NAA11: variants seen among roughly 807,000 people sequenced by gnomAD.
NAA11 encodes N-alpha-acetyltransferase 11.
In NAA11, 15 loss-of-function variants were observed where a neutral mutation model predicts 16.1. That is an observed-to-expected ratio of 0.93 (90% CI 0.62 to 1.44). The LOEUF (loss-of-function observed/expected upper bound fraction) is 1.44. Among genes scored for constraint, NAA11 ranks in the 40% most tolerant of loss-of-function variants. The pLI, the probability that NAA11 is intolerant of heterozygous loss-of-function variation, is 0.00. For missense variants in NAA11, 298 were observed against 291.3 expected, an observed-to-expected ratio of 1.02 and a Z score of -0.17; for synonymous variants, 122 against 112.4, an observed-to-expected ratio of 1.09 and a Z score of -0.54.
intron 2 of NAA11, among the ~76,000 whole-genome samples, chr4:79,258,611 G>T (rs72870833): frequency 0.051 from 7,824 of 152,186 alleles, 705 homozygotes; most frequent in African/African-American, 0.18. Flanking sequence ...TGGCCTGCAG[G>T]CACCCCTTGG....
downstream of NAA11, among the ~76,000 whole-genome samples, chr4:79,316,273 T>G (rs1723924110): frequency 6.6e-6 from 1 of 152,070 alleles, no homozygotes; most frequent in Admixed American, 6.6e-5. Context: ...GAGGAAAGAA[T>G]AAAATAATTT....
intron 1 of NAA11, among the ~76,000 whole-genome samples, chr4:79,309,090 T>C (rs549438366): frequency 1.2e-4 from 17 of 147,554 alleles, no homozygotes; most frequent in Non-Finnish European, 1.6e-4. Flanking sequence ...TTAGGAAGTT[T>C]TGATTCATAC....
In NAA11 at chr4:79,317,431, A is replaced by T. The variant is rs1379700824; in HGVS notation, c.*373T>A. Reference sequence around the variant, plus strand: ...ACAAAAACAAAAACTGAAAGCTGGAAATCTTCAAGAGTTTGCCCTGCTTCC... The same window carrying T: ...ACAAAAACAAAAACTGAAAGCTGGATATCTTCAAGAGTTTGCCCTGCTTCC... On this transcript the variant is annotated 3_prime_UTR_variant, in exon 2 of 2. Transcript: ENST00000286794. The T allele has an allele frequency of 6.7e-6, 1 of 150,212 alleles. No individual in the cohort carries two copies. Among genetic ancestry groups the T allele is most frequent in the African/African-American group, 2.5e-5 (1 of 39,918 alleles). The allele number at this position is 150,212 out of a possible 1,614,324, so 9.3% of individuals were successfully genotyped here.
intron 2 of NAA11, among the ~76,000 whole-genome samples, chr4:79,251,521 G>A (rs1721994416): frequency 6.6e-6 from 1 of 152,074 alleles, no homozygotes. Flanking sequence ...CTTCCTACTG[G>A]GAACTGTGCT....
chr4:79,318,214 G>T (rs1203221189), intron 1 of NAA11, among the ~76,000 whole-genome samples: 1 of 152,036 alleles, frequency 6.6e-6, no homozygotes, highest in East Asian at 1.9e-4. Context: ...GAAATGAAAG[G>T]CCTTTTTAGC....
chr4:79,228,028 A>G (rs1471615794), intron 2 of NAA11: 1 of 151,942 alleles, frequency 6.6e-6, no homozygotes, highest in Non-Finnish European at 1.5e-5. Flanking sequence ...TTATGGTAAA[A>G]TTAATAAAAG....
intron 1 of NAA11, among the ~76,000 whole-genome samples, chr4:79,320,158 T>G (rs1398296698): frequency 2.0e-5 from 3 of 152,250 alleles, no homozygotes; most frequent in Non-Finnish European, 1.5e-5. Flanking sequence ...CTGACCTGTC[T>G]TCATTGCTAT....
chr4:79,216,321 A>G, the NAA11 span, among the ~76,000 whole-genome samples: 1 of 152,048 alleles, frequency 6.6e-6, no homozygotes, highest in Non-Finnish European at 1.5e-5. Flanking sequence ...TTGCTTTTGT[A>G]TGTTTGAGAT....
At chr4:79,264,427 TC>T (rs1722301591) in intron 2 of NAA11, among the ~76,000 whole-genome samples, 1 of 152,228 alleles carries the variant, frequency 6.6e-6, no homozygotes, top group African/African-American at 2.4e-5. Context: ...TCTATCATTC[TC>T]CTTCAGTTCC....
the NAA11 span, among the ~76,000 whole-genome samples, chr4:79,193,424 A>G: frequency 6.6e-6 from 1 of 152,224 alleles, no homozygotes; most frequent in African/African-American, 2.4e-5. Flanking sequence ...GAAGGGATCC[A>G]GTTTCAGCTT....
At chr4:79,274,865 GTATC>G (rs1257870704) in intron 2 of NAA11, among the ~76,000 whole-genome samples, 1 of 152,020 alleles carries the variant, frequency 6.6e-6, no homozygotes, top group Non-Finnish European at 1.5e-5. Context: ...ATTCATAAAA[GTATC>G]TAATCTACAG....
chr4:79,313,457 A>G (rs1723838781), downstream of NAA11, among the ~76,000 whole-genome samples: 1 of 152,160 alleles, frequency 6.6e-6, no homozygotes, highest in African/African-American at 2.4e-5. Context: ...AAATTGCTCA[A>G]CTTGCTAAGG....
At chr4:79,323,395 G>T (rs1724159050) in intron 1 of NAA11, among the ~76,000 whole-genome samples, 1 of 152,172 alleles carries the variant, frequency 6.6e-6, no homozygotes, top group African/African-American at 2.4e-5. Context: ...TGTGTATTAA[G>T]AAGTACAAGA....
rs142847107 is a variant in NAA11 at position 79,303,066 on chromosome 4, T to G, written c.*13-8952A>C. ...TCCTTCCCTTTTCATTCCTGTTCTC[T>G]TGAGGCCTTTTATATATATATATAT... On this transcript the variant is annotated intron_variant and NMD_transcript_variant, in intron 1 of 2. Transcript: ENST00000511542. Among the ~76,000 whole-genome samples, 1,207 of 127,902 alleles carry G rather than the reference T, an allele frequency of 9.4e-3. 29 individuals carry two copies. Among genetic ancestry groups the G allele is most frequent in the African/African-American group, 0.034 (1,152 of 33,532 alleles). 83.9% of individuals were successfully genotyped at this position (127,902 alleles called of 152,430 possible).
chr4:79,260,093 C>T (rs2109973527), intron 2 of NAA11, among the ~76,000 whole-genome samples: 1 of 152,282 alleles, frequency 6.6e-6, no homozygotes, highest in South Asian at 2.1e-4. Context: ...GTTGATTTGG[C>T]TCACTGCAGT....
At chr4:79,248,676 C>A (rs1220282093) in intron 2 of NAA11, among the ~76,000 whole-genome samples, 1 of 152,202 alleles carries the variant, frequency 6.6e-6, no homozygotes, top group Admixed American at 6.5e-5. Context: ...TTGCCACCAG[C>A]ATGAACATGT....
the NAA11 span, among the ~76,000 whole-genome samples, chr4:79,167,710 C>T: frequency 3.3e-5 from 5 of 151,944 alleles, no homozygotes; most frequent in African/African-American, 7.3e-5. Context: ...ACAGGCTGTA[C>T]AGGAAGCATG....
At chr4:79,159,098 A>AT in the NAA11 span, among the ~76,000 whole-genome samples, 1 of 152,334 alleles carries the variant, frequency 6.6e-6, no homozygotes, top group East Asian at 1.9e-4. Context: ...ACACTTAATT[A>AT]AACTAAAGAG....
At chr4:79,307,197 CAT>C (rs1723617891) in intron 1 of NAA11, 1 of 152,184 alleles carries the variant, frequency 6.6e-6, no homozygotes, top group Non-Finnish European at 1.5e-5. Flanking sequence ...AAGAGGATAA[CAT>C]ATGATCGGGA....
Sources: allele counts gnomAD v4.1 joint callset (sites outside exome capture counted in the v4.1 genomes callset), GRCh38; gene constraint gnomAD v4.1.1; transcripts MANE v1.5; gene names NCBI Gene and HGNC (gene_info 2026-07-23, HGNC 2026-07-21).